The following RABEP1 variants were observed in gnomAD, a reference collection of about 807,000 sequenced individuals.
RABEP1 encodes the protein rabaptin, RAB GTPase binding effector protein 1.
RABEP1 carries 51 observed loss-of-function variants against 123.4 expected under a neutral mutation model. The ratio of observed to expected loss-of-function variants is 0.41; its 90% CI spans 0.33 to 0.52. The LOEUF is 0.52. Among genes scored for constraint, RABEP1 ranks in the 20% least tolerant of loss-of-function variants. The probability of loss-of-function intolerance (pLI) is 0.16; values close to 1 mark genes in which losing one functional copy is unlikely to be tolerated. For missense variants in RABEP1, 888 were observed against 996.3 expected, an observed-to-expected ratio of 0.89 and a Z score of 1.46; for synonymous variants, 347 against 355.2, an observed-to-expected ratio of 0.98 and a Z score of 0.26.
intron 1 of RABEP1, among the ~76,000 whole-genome samples, chr17:5,295,492 T>C (rs781686033): frequency 8.5e-6 from 1 of 117,938 alleles, no homozygotes; most frequent in South Asian, 5.9e-4. Flanking sequence ...ATTGTTTTTA[T>C]TTTTTTCTAT....
chr17:5,359,688 A>T (rs1233750859), intron 8 of RABEP1, among the ~76,000 whole-genome samples: 4 of 152,038 alleles, frequency 2.6e-5, no homozygotes, highest in South Asian at 2.1e-4. Context: ...TTAAAACATT[A>T]AAAAAAATAG....
chr17:5,367,502 T>C (rs1025658279), intron 11 of RABEP1, among the ~76,000 whole-genome samples: 7 of 151,502 alleles, frequency 4.6e-5, no homozygotes, highest in East Asian at 2.0e-4. Context: ...AACTCCTGAC[T>C]TTGTGATCCA....
In RABEP1 at chr17:5,316,851, A is replaced by T. The variant is rs1252891992; in HGVS notation, c.163+8029A>T. On this transcript the variant is annotated intron_variant, in intron 2 of 17. Coordinates refer to ENST00000537505, the MANE Select transcript of RABEP1 (RefSeq NM_004703.6). ...CTGTCTCAAAAAAAAAAAAAAAAAA[A>T]AAAAATATAAGAAACAATACAAAAT... Among the ~76,000 whole-genome samples, 101 of 151,170 alleles carry T rather than the reference A, an allele frequency of 6.7e-4. 1 individual carries two copies. The highest frequency in any genetic ancestry group is 2.3e-3 in the African/African-American group (97 of 41,288).
chr17:5,336,469 C>T, intron 4 of RABEP1: 1 of 470,800 alleles, frequency 2.1e-6, no homozygotes, highest in South Asian at 1.6e-5. Context: ...TACCTAATGT[C>T]CTTTTTTTTC....
intron 6 of RABEP1, among the ~76,000 whole-genome samples, chr17:5,348,983 T>C (rs925988159): frequency 2.0e-5 from 3 of 152,230 alleles, no homozygotes; most frequent in Non-Finnish European, 4.4e-5. Context: ...CACCACTGTC[T>C]AATTCCAAAC....
chr17:5,329,772 G>GT (rs1184976567), intron 2 of RABEP1, among the ~76,000 whole-genome samples: 13 of 147,986 alleles, frequency 8.8e-5, no homozygotes, highest in Non-Finnish European at 1.8e-4. Flanking sequence ...TCTGTCTCCT[G>GT]TTTTTTTGTA....
chr17:5,312,077 C>T (rs369660655), intron 2 of RABEP1, among the ~76,000 whole-genome samples: 4 of 152,190 alleles, frequency 2.6e-5, no homozygotes, highest in East Asian at 1.9e-4. Flanking sequence ...AGAGGACTTG[C>T]GTCCACCTGA....
intron 8 of RABEP1, among the ~76,000 whole-genome samples, chr17:5,360,443 T>A (rs921771627): frequency 2.0e-5 from 3 of 152,190 alleles, no homozygotes; most frequent in Non-Finnish European, 4.4e-5. Flanking sequence ...GCACCTGTAG[T>A]CCCAGCTACT....
intron 1 of RABEP1, among the ~76,000 whole-genome samples, chr17:5,299,714 C>CTTTTGTT (rs2075115944): frequency 9.7e-6 from 1 of 103,228 alleles, no homozygotes; most frequent in Non-Finnish European, 1.9e-5. Context: ...TTCTTTTTTT[C>CTTTTGTT]TTTTCTTTTT....
At chr17:5,340,790 T>G (rs1260402081) in intron 5 of RABEP1, among the ~76,000 whole-genome samples, 1 of 151,094 alleles carries the variant, frequency 6.6e-6, no homozygotes, top group East Asian at 2.0e-4. Context: ...CTACTAAAAA[T>G]GCAAAAAATT....
In RABEP1 at chr17:5,377,273, A is replaced by G; in HGVS notation, c.2183A>G (p.Gln728Arg). 1 of 1,589,204 alleles carries G rather than the reference A, an allele frequency of 6.3e-7. No homozygotes were observed. Among genetic ancestry groups the G allele is most frequent in the East Asian group, 2.2e-5 (1 of 44,694 alleles). ...CLKENLEETL[Q>R]LEIENCKEEI... The stretch of plus-strand genomic sequence containing the variant: ...AAAGAAAATCTTGAAGAAACTCTGC[A>G]ACTAGAAATAGAAAACTGCAAGGAG... Residue 728 changes from glutamine (Q) to arginine (R), a missense_variant, in exon 14 of 18, where the codon CAA (glutamine) becomes CGA (arginine). Physicochemically the swap from Gln to Arg is conservative, Grantham distance 43 (BLOSUM62 1). Transcript: ENST00000537505.
chr17:5,350,273 C>T (rs146794440), intron 6 of RABEP1, among the ~76,000 whole-genome samples, 178 bp from the exon 7 acceptor site: 2,998 of 151,840 alleles, frequency 0.02, 64 homozygotes, highest in African/African-American at 0.059. Context: ...CCAGCTACTC[C>T]GGAGGCTGAG....
chr17:5,377,006 A>G, intron 13 of RABEP1, 110 bp from the exon 14 acceptor site: 1 of 1,188,642 alleles, frequency 8.4e-7, no homozygotes, highest in Non-Finnish European at 1.2e-6. Flanking sequence ...CAAAGTCTTA[A>G]TTTTTGAACC....
rs763514737 is a variant in RABEP1 at position 5,368,411 on chromosome 17, A to G, written c.1827A>G (p.Leu609=). 6.2e-7 allele frequency: 1 copy of G among 1,614,074 alleles called. No individual in the cohort carries two copies. Among genetic ancestry groups the G allele is most frequent in the Non-Finnish European group, 8.5e-7 (1 of 1,179,964 alleles). Residue 609 remains leucine (L), a synonymous_variant, in exon 12 of 18, where the codon TTA becomes TTG. Transcript: ENST00000537505. Reference sequence around the variant, plus strand: ...TAAGAGCCCAGGCCTCCGAGATCTTACTTGAAGAGTTACAGCAGGGGCTTT... The same window carrying G: ...TAAGAGCCCAGGCCTCCGAGATCTTGCTTGAAGAGTTACAGCAGGGGCTTT... The part of the protein sequence containing the change: ...LVLRAQASEI[L]LEELQQGLSQ...
intron 1 of RABEP1, among the ~76,000 whole-genome samples, chr17:5,286,401 G>C (rs2074978084): frequency 6.6e-6 from 1 of 152,158 alleles, no homozygotes; most frequent in South Asian, 2.1e-4. Context: ...GGCTGAGGCA[G>C]AAGAACCGCT....
Position 5,361,360 on chromosome 17 carries a change from A to T in RABEP1, c.1248A>T (p.Ser416=). The stretch of plus-strand genomic sequence containing the variant: ...CAGACAGCTTGGGAACCTCGGGCTC[A>T]TTGCAATCCAAAGCTTTAGGCTATA... ...QSTDSLGTSG[S]LQSKALGYNY... is the part of the protein sequence containing the mutation. The change falls in exon 9 of 18, where the codon TCA becomes TCT. Residue 416 remains serine, a synonymous_variant. Transcript: ENST00000537505. 1 of 1,614,172 alleles carries T rather than the reference A, an allele frequency of 6.2e-7. No homozygotes were observed. Among genetic ancestry groups the T allele is most frequent in the Non-Finnish European group, 8.5e-7 (1 of 1,180,026 alleles).
intron 1 of RABEP1, among the ~76,000 whole-genome samples, chr17:5,284,950 A>G (rs1413385986): frequency 2.0e-5 from 3 of 151,964 alleles, no homozygotes; most frequent in African/African-American, 7.3e-5. Context: ...ATCCTGTTTC[A>G]GAAGCGATTG....
At chr17:5,372,383 G>C (rs55749234) in intron 12 of RABEP1, among the ~76,000 whole-genome samples, 6 of 151,556 alleles carry the variant, frequency 4.0e-5, no homozygotes, top group Non-Finnish European at 7.4e-5. Flanking sequence ...CTCGGGAGGT[G>C]GAGGTTGCAG....
intron 1 of RABEP1, among the ~76,000 whole-genome samples, chr17:5,298,075 C>G (rs1358324132): frequency 6.6e-6 from 1 of 152,158 alleles, no homozygotes; most frequent in Non-Finnish European, 1.5e-5. Context: ...AATTCTGTTC[C>G]CTCTCTGTGT....
Sources: gnomAD v4.1 joint callset for allele counts (sites outside exome capture counted in the v4.1 genomes callset) on GRCh38, gnomAD v4.1.1 for gene constraint, MANE v1.5 for transcripts, NCBI Gene and HGNC (gene_info 2026-07-23, HGNC 2026-07-21) for gene names.